Variants in NCOA2 observed in about 807,000 individuals in gnomAD.
NCOA2 encodes class E basic helix-loop-helix protein 75.
Under a neutral mutation model 145.1 loss-of-function variants are expected in NCOA2, and 21 were observed. That is an observed-to-expected ratio of 0.14 (90% CI 0.10 to 0.21). The LOEUF (loss-of-function observed/expected upper bound fraction) is 0.21, where lower values mean the gene tolerates loss of function less well. NCOA2 is among the 10% of genes least tolerant of loss of function. The pLI is 1.00. For synonymous variants in NCOA2, 619 were observed against 637.5 expected, an observed-to-expected ratio of 0.97 and a Z score of 0.44; for missense variants, 1,472 against 1,837.6, an observed-to-expected ratio of 0.80 and a Z score of 3.64.
chr8:70,311,475 C>T (rs139213757), intron 1 of NCOA2, among the ~76,000 whole-genome samples: 7 of 152,166 alleles, frequency 4.6e-5, no homozygotes, highest in Middle Eastern at 3.4e-3. Flanking sequence ...TGCTAAAAAG[C>T]AACTTATTAA....
At chr8:70,405,656 G>A (rs1005972160), upstream of NCOA2, among the ~76,000 whole-genome samples, 1 of 150,760 alleles carries the variant, frequency 6.6e-6, no homozygotes, top group African/African-American at 2.4e-5. Context: ...GAGTTATCAG[G>A]AGTTGTGATA....
the NCOA2 span, among the ~76,000 whole-genome samples, chr8:70,437,507 T>C: frequency 6.6e-6 from 1 of 152,236 alleles, no homozygotes; most frequent in Admixed American, 6.5e-5. Flanking sequence ...AAAAATCTGG[T>C]TTGACCGAAG....
At chr8:70,346,555 T>G (rs1808664328) in intron 1 of NCOA2, among the ~76,000 whole-genome samples, 1 of 152,200 alleles carries the variant, frequency 6.6e-6, no homozygotes, top group Non-Finnish European at 1.5e-5. Flanking sequence ...AAGAAACTAT[T>G]TTACAAAACA....
At chr8:70,235,155 G>A (rs963582948) in intron 2 of NCOA2, among the ~76,000 whole-genome samples, 2 of 152,142 alleles carry the variant, frequency 1.3e-5, no homozygotes, top group African/African-American at 4.8e-5. Context: ...GAGGAGTATC[G>A]TACTGATACA....
chr8:70,342,713 T>C (rs182861046), intron 1 of NCOA2, among the ~76,000 whole-genome samples: 14 of 150,856 alleles, frequency 9.3e-5, no homozygotes, highest in Admixed American at 8.0e-4. Flanking sequence ...ACATTACCTT[T>C]TTTTTTTTTA....
chr8:70,187,513 A>T (rs548726791), intron 4 of NCOA2, among the ~76,000 whole-genome samples: 5 of 152,230 alleles, frequency 3.3e-5, no homozygotes, highest in Non-Finnish European at 5.9e-5. Flanking sequence ...ACAATTTTCC[A>T]GTAGATGTTA....
At chr8:70,381,362 C>T (rs928736260) in intron 1 of NCOA2, among the ~76,000 whole-genome samples, 1 of 152,080 alleles carries the variant, frequency 6.6e-6, no homozygotes, top group Non-Finnish European at 1.5e-5. Flanking sequence ...ATCCTAAATC[C>T]TAATCTTAAC....
At chr8:70,326,037 G>C (rs946655932) in intron 1 of NCOA2, among the ~76,000 whole-genome samples, 2 of 152,258 alleles carry the variant, frequency 1.3e-5, no homozygotes, top group Non-Finnish European at 1.5e-5. Context: ...GGCAAGACAA[G>C]CCAAAAACAC....
the NCOA2 span, among the ~76,000 whole-genome samples, chr8:70,416,046 G>A: frequency 6.6e-6 from 1 of 152,170 alleles, no homozygotes; most frequent in Non-Finnish European, 1.5e-5. Flanking sequence ...TAAGGATTTG[G>A]CTCATGCAAT....
chr8:70,364,741 TA>T (rs796932464), intron 1 of NCOA2, among the ~76,000 whole-genome samples: 10,575 of 123,562 alleles, frequency 0.086, 1,039 homozygotes, highest in African/African-American at 0.25. Context: ...TCCCAATACT[TA>T]AAAAAAAAAA....
chr8:70,285,380 C>A lies in NCOA2; in HGVS notation c.-20+11364G>T, dbSNP rs541696042. On this transcript the variant is annotated intron_variant, in intron 2 of 22. Transcript: ENST00000452400. ...TCACATACTTCAGCTAAGATGATAA[C>A]CAAGAGTCATTTTCCTACCTTTTGG... Among the ~76,000 whole-genome samples the A allele has an allele frequency of 2.0e-5, 3 of 152,176 alleles. No individual in the cohort carries two copies. In the South Asian group the frequency reaches 6.2e-4, roughly 32 times the overall value.
chr8:70,403,638 CGCCCCCCGCCT>C (rs1259311968), intron 1 of NCOA2, 51 bp downstream of exon 1: 4 of 348,820 alleles, frequency 1.1e-5, no homozygotes, highest in Admixed American at 4.8e-5. Flanking sequence ...GGGGACGCGG[CGCCCCCCGCCT>C]GCCGCCCGCC....
chr8:70,121,191 T>G, intron 22 of NCOA2, 111 bp downstream of exon 22: 1 of 847,860 alleles, frequency 1.2e-6, no homozygotes, highest in Non-Finnish European at 1.9e-6. Context: ...GAAGATATTT[T>G]ACGATTATCT....
intron 1 of NCOA2, among the ~76,000 whole-genome samples, chr8:70,386,888 T>G (rs1397288214): frequency 3.3e-5 from 5 of 152,062 alleles, no homozygotes; most frequent in Admixed American, 3.3e-4. Flanking sequence ...ACTTAACCAT[T>G]ATTAAACTTC....
chr8:70,187,158 A>G (rs756589897), intron 4 of NCOA2, among the ~76,000 whole-genome samples: 1 of 152,204 alleles, frequency 6.6e-6, no homozygotes, highest in African/African-American at 2.4e-5. Flanking sequence ...GGCCTTAGAA[A>G]TGGCTGGCAC....
rs567921263 is a variant in NCOA2, at chr8:70,239,160, G to T, written c.-19-22396C>A. 2.6e-5 allele frequency among the ~76,000 whole-genome samples: 4 copies of T among 152,200 alleles called. No homozygotes were observed. The South Asian group carries it at 8.3e-4, about 32-fold the overall frequency. ...CAGAATATAATTTCAACTGCCTTGA[G>T]TTTACCTGGGAATTGAAATATCTGG... On this transcript the variant is annotated intron_variant, in intron 2 of 22. Transcript: ENST00000452400.
At chr8:70,261,670 C>T (rs886573750) in intron 2 of NCOA2, among the ~76,000 whole-genome samples, 2 of 151,944 alleles carry the variant, frequency 1.3e-5, no homozygotes, top group South Asian at 2.1e-4. Flanking sequence ...ATTTACAAAA[C>T]GCTTACCAAA....
chr8:70,297,525 G>T (rs1423818841), intron 1 of NCOA2, among the ~76,000 whole-genome samples: 1 of 152,144 alleles, frequency 6.6e-6, no homozygotes, highest in Non-Finnish European at 1.5e-5. Context: ...TAGTGGTAGG[G>T]TCTTGCTAAG....
chr8:70,363,905 G>A (rs1255431935), intron 1 of NCOA2, among the ~76,000 whole-genome samples: 2 of 151,800 alleles, frequency 1.3e-5, no homozygotes, highest in Non-Finnish European at 1.5e-5. Context: ...AGAAGATGCC[G>A]GCCATCCTCA....
Sources: allele counts gnomAD v4.1 joint callset (sites outside exome capture counted in the v4.1 genomes callset), GRCh38; gene constraint gnomAD v4.1.1; transcripts MANE v1.5; gene names NCBI Gene and HGNC (gene_info 2026-07-23, HGNC 2026-07-21).